Variants in MRC1 observed in about 807,000 individuals in gnomAD.
The protein encoded by MRC1 is mannose receptor C-type 1, also known as macrophage mannose receptor 1.
A neutral mutation model predicts 102.9 loss-of-function variants in MRC1; 62 were observed. That is an observed-to-expected ratio of 0.60 (90% CI 0.49 to 0.74). The LOEUF (loss-of-function observed/expected upper bound fraction) is 0.74. Ranked by LOEUF, MRC1 falls within the 30% of genes least tolerant of loss-of-function variation. MRC1 has a pLI of 0.00. For synonymous variants in MRC1, 457 were observed against 298.4 expected (o/e 1.53, Z -5.48); for missense variants, 1,237 against 862.8 (o/e 1.43, Z -5.43).
At chr10:17,839,925 G>A (rs34276757) in intron 4 of MRC1, among the ~76,000 whole-genome samples, 17,275 of 151,638 alleles carry the variant, frequency 0.11, 1,016 homozygotes, top group Middle Eastern at 0.18. Context: ...AATTAGCCAG[G>A]CGTGGTGGCG....
chr10:17,866,954 A>G (rs1833277851), intron 12 of MRC1, among the ~76,000 whole-genome samples, 193 bp downstream of exon 12: 1 of 152,116 alleles, frequency 6.6e-6, no homozygotes, highest in Non-Finnish European at 1.5e-5. Flanking sequence ...ATTTAGACCC[A>G]CAAATACAAC....
chr10:17,862,811 CTT>C (rs1379735750), intron 10 of MRC1: 1 of 152,176 alleles, frequency 6.6e-6, no homozygotes, highest in Non-Finnish European at 1.5e-5. Flanking sequence ...CACCATTTTT[CTT>C]TTTCTCAAAA....
intron 22 of MRC1, among the ~76,000 whole-genome samples, chr10:17,889,596 G>A (rs1244375232): frequency 6.6e-6 from 1 of 152,138 alleles, no homozygotes; most frequent in Non-Finnish European, 1.5e-5. Flanking sequence ...ACTTTCTTTA[G>A]TGGTTGCTCT....
At chr10:17,817,730 CGATCTG>C (rs1838334257) in intron 1 of MRC1, among the ~76,000 whole-genome samples, 2 of 152,000 alleles carry the variant, frequency 1.3e-5, no homozygotes, top group Non-Finnish European at 2.9e-5. Context: ...TCGACTGTGT[CGATCTG>C]TTCATCTTTG....
chr10:17,907,444 A>T, intron 27 of MRC1, 90 bp from the exon 28 acceptor site: 1 of 772,370 alleles, frequency 1.3e-6, no homozygotes, highest in Non-Finnish European at 2.4e-6. Context: ...ATAAAAGAAT[A>T]TGCTTAGAAA....
chr10:17,824,403 T>C (rs1017880900), intron 2 of MRC1, among the ~76,000 whole-genome samples: 31 of 152,216 alleles, frequency 2.0e-4, no homozygotes, highest in Non-Finnish European at 3.4e-4. Flanking sequence ...AAAATTGCTA[T>C]GTTACGGGGC....
chr10:17,909,083 G>A (rs1833934434), intron 28 of MRC1, among the ~76,000 whole-genome samples: 1 of 152,074 alleles, frequency 6.6e-6, no homozygotes, highest in South Asian at 2.1e-4. Context: ...AACTGCTATG[G>A]CTCAGACAGA....
At chr10:17,875,316 G>A (rs1443119218) in intron 17 of MRC1, 63 bp downstream of exon 17, 2 of 771,678 alleles carry the variant, frequency 2.6e-6, no homozygotes, top group Non-Finnish European at 4.8e-6. Context: ...TTGTTTGGTT[G>A]TATGGAAAAG....
intron 9 of MRC1, among the ~76,000 whole-genome samples, chr10:17,861,061 G>A (rs1833177840): frequency 6.6e-6 from 1 of 152,184 alleles, no homozygotes; most frequent in Non-Finnish European, 1.5e-5. Context: ...TATAATCCCA[G>A]CACTTTGGGA....
intron 7 of MRC1, among the ~76,000 whole-genome samples, chr10:17,850,256 G>GT (rs71507247): frequency 3.6e-4 from 47 of 131,518 alleles, no homozygotes; most frequent in South Asian, 4.8e-4. Flanking sequence ...AAATATAGGA[G>GT]TTTTTTTTTT....
intron 11 of MRC1, among the ~76,000 whole-genome samples, chr10:17,864,643 A>T (rs1833235435): frequency 1.3e-5 from 2 of 151,966 alleles, no homozygotes; most frequent in South Asian, 4.2e-4. Context: ...AGCCTGGCCA[A>T]CATAGGGAAA....
intron 3 of MRC1, among the ~76,000 whole-genome samples, chr10:17,828,334 C>A (rs1838516016): frequency 6.6e-6 from 1 of 151,494 alleles, no homozygotes; most frequent in African/African-American, 2.5e-5. Context: ...CCTCGCCTCC[C>A]AAAGTGTTGG....
At chr10:17,897,471 G>C (rs1833771931) in intron 23 of MRC1, among the ~76,000 whole-genome samples, 1 of 152,164 alleles carries the variant, frequency 6.6e-6, no homozygotes, top group African/African-American at 2.4e-5. Context: ...CAAGAGTAAA[G>C]CTTGATCTTG....
chr10:17,855,895 G>T (rs1015731281), intron 8 of MRC1, among the ~76,000 whole-genome samples: 1 of 152,016 alleles, frequency 6.6e-6, no homozygotes, highest in East Asian at 1.9e-4. Context: ...TTGGCCGGGC[G>T]CAGTGGCTCA....
At chr10:17,829,134 G>A (rs2130603891) in intron 3 of MRC1, among the ~76,000 whole-genome samples, 1 of 151,576 alleles carries the variant, frequency 6.6e-6, no homozygotes, top group African/African-American at 2.4e-5. Flanking sequence ...AAGAGCATTC[G>A]ATATGGTCTG....
chr10:17,857,681 C>A (rs1833114538), intron 9 of MRC1, among the ~76,000 whole-genome samples: 1 of 152,160 alleles, frequency 6.6e-6, no homozygotes, highest in Non-Finnish European at 1.5e-5. Context: ...GCTTTCCTTA[C>A]CGGGCTGGGA....
chr10:17,822,924 A>C, intron 1 of MRC1, 150 bp from the exon 2 acceptor site: 1 of 648,454 alleles, frequency 1.5e-6, no homozygotes, highest in Non-Finnish European at 2.8e-6. Flanking sequence ...GCCCAGGCAC[A>C]GTCATCAGTA....
intron 1 of MRC1, among the ~76,000 whole-genome samples, chr10:17,815,295 A>G (rs1564607913): frequency 6.6e-6 from 1 of 152,184 alleles, no homozygotes; most frequent in Non-Finnish European, 1.5e-5. Flanking sequence ...TAGAGCTCTG[A>G]TTATGTCATG....
intron 3 of MRC1, among the ~76,000 whole-genome samples, chr10:17,833,338 T>G (rs1432446217): frequency 5.3e-5 from 8 of 151,928 alleles, no homozygotes; most frequent in African/African-American, 1.9e-4. Flanking sequence ...CTGGGCCACA[T>G]AGAGAGACTA....
Sources: gnomAD v4.1 joint callset for allele counts (sites outside exome capture counted in the v4.1 genomes callset) on GRCh38, gnomAD v4.1.1 for gene constraint, MANE v1.5 for transcripts, NCBI Gene and HGNC (gene_info 2026-07-23, HGNC 2026-07-21) for gene names.